Variants in BLTP3A observed in about 807,000 individuals in gnomAD.
BLTP3A encodes the protein ICBP90 binding protein 1.
chr6:34,851,393 A>G, the BLTP3A span, among the ~76,000 whole-genome samples: 1 of 152,340 alleles, frequency 6.6e-6, no homozygotes, highest in East Asian at 1.9e-4. Flanking sequence ...GCTGTGACTC[A>G]GAGGTATTGC....
the BLTP3A span, among the ~76,000 whole-genome samples, chr6:34,803,399 C>G: frequency 6.6e-6 from 1 of 152,022 alleles, no homozygotes; most frequent in African/African-American, 2.4e-5. Context: ...CTTCTCATGC[C>G]CCCAGTTGCT....
the BLTP3A span, among the ~76,000 whole-genome samples, chr6:34,829,217 A>G: frequency 2.0e-5 from 3 of 152,100 alleles, no homozygotes; most frequent in African/African-American, 7.2e-5. Context: ...GAACATTTTC[A>G]TCACCCAAGA....
chr6:34,826,026 A>ATTTT, the BLTP3A span, among the ~76,000 whole-genome samples: 1 of 76,650 alleles, frequency 1.3e-5, no homozygotes. Flanking sequence ...TACATTTTGC[A>ATTTT]TTTTTTTTTT....
chr6:34,856,509 C>T, the BLTP3A span: 2 of 1,449,556 alleles, frequency 1.4e-6, no homozygotes, highest in Non-Finnish European at 1.9e-6. Flanking sequence ...ATTATCCCAG[C>T]TGTATGTAAT....
the BLTP3A span, among the ~76,000 whole-genome samples, chr6:34,836,709 C>A: frequency 2.9e-4 from 44 of 152,254 alleles, no homozygotes; most frequent in African/African-American, 1.1e-3. Context: ...AGGTTGAAAA[C>A]GACTAGGGTG....
the BLTP3A span, chr6:34,872,255 G>T: frequency 1.3e-6 from 2 of 1,542,340 alleles, no homozygotes; most frequent in Non-Finnish European, 1.7e-6. Flanking sequence ...CCCTTTACTG[G>T]CGGTTGTTGC....
chr6:34,842,094 A>G, the BLTP3A span, among the ~76,000 whole-genome samples: 1 of 152,206 alleles, frequency 6.6e-6, no homozygotes. Context: ...TTCCAATTCT[A>G]CACCCTACTA....
the BLTP3A span, among the ~76,000 whole-genome samples, chr6:34,814,943 T>G: frequency 1.3e-5 from 2 of 152,204 alleles, no homozygotes; most frequent in Non-Finnish European, 2.9e-5. Context: ...GAACTTATAA[T>G]ATTAAAATGT....
chr6:34,801,927 C>CG, the BLTP3A span, among the ~76,000 whole-genome samples: 2 of 151,950 alleles, frequency 1.3e-5, no homozygotes, highest in Admixed American at 6.6e-5. Flanking sequence ...TTAGTAGAGA[C>CG]GGAGTTTCAT....
the BLTP3A span, among the ~76,000 whole-genome samples, chr6:34,869,183 G>A: frequency 6.6e-6 from 1 of 151,896 alleles, no homozygotes; most frequent in Non-Finnish European, 1.5e-5. Flanking sequence ...TGTATTTTTA[G>A]TAGAGATGGG....
chr6:34,877,186 T>G, the BLTP3A span: 2 of 152,624 alleles, frequency 1.3e-5, no homozygotes, highest in African/African-American at 4.8e-5. Flanking sequence ...CCACTGAGGG[T>G]GCTAAAGAGA....
At chr6:34,851,909 A>T in the BLTP3A span, among the ~76,000 whole-genome samples, 1 of 152,274 alleles carries the variant, frequency 6.6e-6, no homozygotes, top group Non-Finnish European at 1.5e-5. Flanking sequence ...CCACTGCCCC[A>T]GGCCCACAGC....
chr6:34,860,645 T>C, the BLTP3A span, among the ~76,000 whole-genome samples: 28 of 152,312 alleles, frequency 1.8e-4, no homozygotes, highest in African/African-American at 6.5e-4. Context: ...ATTTTTATAA[T>C]AGCCCTATAA....
the BLTP3A span, chr6:34,834,736 G>A: frequency 1.2e-6 from 2 of 1,613,922 alleles, no homozygotes; most frequent in East Asian, 2.2e-5. Context: ...AACATTTAAG[G>A]AAATAACTTG....
At chr6:34,856,519 T>C in the BLTP3A span, 1 of 1,395,854 alleles carries the variant, frequency 7.2e-7, no homozygotes, top group Non-Finnish European at 9.7e-7. Flanking sequence ...CTGTATGTAA[T>C]GGAGAGACAT....
At chr6:34,861,846 A>C in the BLTP3A span, among the ~76,000 whole-genome samples, 1 of 152,188 alleles carries the variant, frequency 6.6e-6, no homozygotes, top group South Asian at 2.1e-4. Flanking sequence ...TGGCTTCCCA[A>C]AGCACTAGGG....
the BLTP3A span, among the ~76,000 whole-genome samples, chr6:34,802,495 A>G: frequency 6.6e-6 from 1 of 151,068 alleles, no homozygotes; most frequent in South Asian, 2.1e-4. Context: ...TCAGCCTCCC[A>G]AGTAGCTGGG....
At chr6:34,834,304 C>G in the BLTP3A span, 2 of 1,614,004 alleles carry the variant, frequency 1.2e-6, no homozygotes, top group Non-Finnish European at 1.7e-6. Flanking sequence ...AGGCCTTCCA[C>G]GCTTCTTTTG....
At chr6:34,862,346 A>T in the BLTP3A span, among the ~76,000 whole-genome samples, 1 of 152,086 alleles carries the variant, frequency 6.6e-6, no homozygotes, top group Non-Finnish European at 1.5e-5. Context: ...ACTGCACTCC[A>T]GCCTGGGTGA....
Sources: allele counts gnomAD v4.1 joint callset (sites outside exome capture counted in the v4.1 genomes callset), GRCh38; gene constraint gnomAD v4.1.1; transcripts MANE v1.5; gene names NCBI Gene and HGNC (gene_info 2026-07-23, HGNC 2026-07-21).